The following TTBK2 variants were observed in gnomAD, a reference collection of about 807,000 sequenced individuals.
TTBK2 encodes the protein tau-tubulin kinase 2.
TTBK2 carries 28 observed loss-of-function variants against 110.8 expected under a neutral mutation model. The observed-to-expected ratio is 0.25, with a 90% CI of 0.19 to 0.35. TTBK2 has a LOEUF of 0.35. TTBK2 is among the 10% of genes least tolerant of loss of function. TTBK2 has a pLI of 1.00. For synonymous variants in TTBK2, 532 were observed against 527.3 expected (o/e 1.01, Z -0.12); for missense variants, 1,369 against 1,500.3 (o/e 0.91, Z 1.45).
chr15:42,802,617 A>G (rs537975139), intron 9 of TTBK2, among the ~76,000 whole-genome samples: 1 of 152,236 alleles, frequency 6.6e-6, no homozygotes, highest in Non-Finnish European at 1.5e-5. Context: ...AGAAGCTGCA[A>G]CCTTTACCTG....
intron 6 of TTBK2, among the ~76,000 whole-genome samples, chr15:42,819,282 C>T (rs1402706715): frequency 6.6e-6 from 1 of 150,554 alleles, no homozygotes; most frequent in Non-Finnish European, 1.5e-5. Flanking sequence ...TCCTGACCAA[C>T]ATGGTGAAAC....
chr15:42,802,248 T>A (rs1399602077), intron 9 of TTBK2: 3 of 834,132 alleles, frequency 3.6e-6, no homozygotes, highest in Non-Finnish European at 6.2e-6. Context: ...CCCCACCATA[T>A]CCTGCACCCA....
intron 9 of TTBK2, among the ~76,000 whole-genome samples, chr15:42,797,503 G>C (rs1890996314): frequency 6.6e-6 from 1 of 152,212 alleles, no homozygotes; most frequent in Non-Finnish European, 1.5e-5. Flanking sequence ...GGAACAAATG[G>C]TCAGACTGGG....
rs1250271481 is a variant in TTBK2 at position 42,822,118 on chromosome 15, GTGT to G, written c.538-5024_538-5022del. 3.9e-5 allele frequency among the ~76,000 whole-genome samples: 6 copies of G among 152,034 alleles called. No homozygotes were observed. In the East Asian group the frequency reaches 1.2e-3, roughly 29 times the overall value. The stretch of plus-strand genomic sequence containing the variant: ...TTCAAATCTTTAGTCCATTTTTATT[GTGT>G]TGTTTTCTTTTTATTGAGTTGTATG... On this transcript the variant is annotated intron_variant, in intron 6 of 14. Transcript: ENST00000267890.
chr15:42,833,366 CT>C (rs1243364558), intron 4 of TTBK2, among the ~76,000 whole-genome samples: 2 of 150,944 alleles, frequency 1.3e-5, no homozygotes, highest in Admixed American at 6.6e-5. Flanking sequence ...AAGTGAATTG[CT>C]AAATTGAAGA....
intron 1 of TTBK2, among the ~76,000 whole-genome samples, chr15:42,904,961 T>C (rs1330320744): frequency 1.3e-5 from 2 of 152,010 alleles, no homozygotes; most frequent in Non-Finnish European, 2.9e-5. Context: ...AACCTCAGCC[T>C]TCTGGGCTCA....
chr15:42,740,461 C>T lies in TTBK2; in HGVS notation c.*5334G>A, dbSNP rs2140530634. 6.6e-6 allele frequency: 1 copy of T among 152,030 alleles called. No homozygotes were observed. Among genetic ancestry groups the T allele is most frequent in the Middle Eastern group, 3.4e-3 (1 of 294 alleles). 9.4% of individuals were successfully genotyped at this position (152,030 alleles called of 1,614,324 possible). ...AATTTGCTGAAAGGGAATAATTAAACATCAAGCTTAAATATTTTTTTAAGT... is the reference window on the plus strand; with the variant it reads ...AATTTGCTGAAAGGGAATAATTAAATATCAAGCTTAAATATTTTTTTAAGT... On this transcript the variant is annotated 3_prime_UTR_variant, in exon 15 of 15. Coordinates refer to ENST00000267890, the MANE Select transcript of TTBK2 (RefSeq NM_173500.4).
intron 10 of TTBK2, among the ~76,000 whole-genome samples, chr15:42,789,082 G>A (rs774336900): frequency 1.6e-4 from 24 of 152,122 alleles, no homozygotes; most frequent in Non-Finnish European, 3.1e-4. Context: ...TTTTATTTAT[G>A]TCCAAGACTT....
intron 6 of TTBK2, among the ~76,000 whole-genome samples, chr15:42,824,445 T>C (rs1044180996): frequency 2.0e-5 from 3 of 152,212 alleles, no homozygotes; most frequent in African/African-American, 7.2e-5. Flanking sequence ...GGAAGCTGGA[T>C]GAAGGTACAC....
intron 10 of TTBK2, among the ~76,000 whole-genome samples, chr15:42,784,753 T>C (rs906900406): frequency 6.6e-6 from 1 of 151,580 alleles, no homozygotes; most frequent in Non-Finnish European, 1.5e-5. Flanking sequence ...AAAGGAGAGG[T>C]TGGGGGTTTT....
chr15:42,906,188 CA>C (rs556069009), intron 1 of TTBK2, among the ~76,000 whole-genome samples: 192 of 139,528 alleles, frequency 1.4e-3, no homozygotes, highest in Middle Eastern at 3.7e-3. Flanking sequence ...AACTCCATCT[CA>C]AAAAAAAAAA....
chr15:42,745,859 T>TGGTGGAG lies in TTBK2; in HGVS notation c.3664_3670dup (p.His1224ProfsTer9). The TGGTGGAG allele has an allele frequency of 6.2e-7, 1 of 1,614,026 alleles. No homozygotes were observed. The highest frequency in any genetic ancestry group is 8.5e-7 in the Non-Finnish European group (1 of 1,179,996). On this transcript the variant is annotated frameshift_variant, in exon 15 of 15. Coordinates refer to ENST00000267890, the MANE Select transcript of TTBK2 (RefSeq NM_173500.4). LOFTEE classifies it high-confidence loss of function. The stretch of plus-strand genomic sequence containing the variant: ...GGGGGTTTTAGTGCTGGCTGAGTGG[T>TGGTGGAG]GGTGGAGGCTGCCGGATCCTTTCAG...
rs140338088 is a variant in TTBK2, at chr15:42,790,197, G to A, written c.980+4447C>T. Among the ~76,000 whole-genome samples, 88 of 152,088 alleles carry A rather than the reference G, an allele frequency of 5.8e-4. No individual in the cohort carries two copies. In the East Asian group the frequency reaches 0.014, roughly 24 times the overall value. On this transcript the variant is annotated intron_variant, in intron 10 of 14. Transcript: ENST00000267890. ...AAAACTCCTAGAAGAGAACATAGGA[G>A]GAAAGCTTTGTCATAGTATTTTATT...
chr15:42,865,810 G>A (rs1184432581), intron 3 of TTBK2, among the ~76,000 whole-genome samples: 3 of 152,126 alleles, frequency 2.0e-5, no homozygotes, highest in African/African-American at 7.2e-5. Flanking sequence ...GTGACAGAGT[G>A]AGACTCCATT....
At chr15:42,762,050 C>T (rs1231505641) in intron 13 of TTBK2, among the ~76,000 whole-genome samples, 1 of 152,156 alleles carries the variant, frequency 6.6e-6, no homozygotes, top group Non-Finnish European at 1.5e-5. Context: ...TGCTGCCATC[C>T]ATGTAAGATG....
chr15:42,895,449 T>C (rs1416177856), intron 1 of TTBK2, among the ~76,000 whole-genome samples: 5 of 151,170 alleles, frequency 3.3e-5, no homozygotes, highest in African/African-American at 9.8e-5. Context: ...CTAAGACACA[T>C]ATTTACCCAT....
chr15:42,748,339 C>G (rs1161088123), intron 14 of TTBK2, among the ~76,000 whole-genome samples: 3 of 152,044 alleles, frequency 2.0e-5, no homozygotes, highest in Non-Finnish European at 4.4e-5. Flanking sequence ...TGCCTGTAAT[C>G]CCAGCTATTC....
chr15:42,877,265 T>C (rs1465167498), intron 2 of TTBK2, among the ~76,000 whole-genome samples: 1 of 152,162 alleles, frequency 6.6e-6, no homozygotes, highest in Non-Finnish European at 1.5e-5. Flanking sequence ...AGATATTATA[T>C]GCCTCCTAGT....
chr15:42,889,737 C>A (rs778171332), intron 1 of TTBK2, among the ~76,000 whole-genome samples: 1 of 152,100 alleles, frequency 6.6e-6, no homozygotes, highest in African/African-American at 2.4e-5. Flanking sequence ...TCATTCTACA[C>A]GACAAATGCT....
Sources: allele counts gnomAD v4.1 joint callset (sites outside exome capture counted in the v4.1 genomes callset), GRCh38; gene constraint gnomAD v4.1.1; transcripts MANE v1.5; gene names NCBI Gene and HGNC (gene_info 2026-07-23, HGNC 2026-07-21).